Variants in SHOX observed in about 807,000 individuals in gnomAD.
SHOX encodes SHOX homeobox.
SHOX carries 12 observed loss-of-function variants against 29.6 expected under a neutral mutation model. That is an observed-to-expected ratio of 0.41 (90% CI 0.26 to 0.66). SHOX has a LOEUF of 0.66. Among genes scored for constraint, SHOX ranks in the 30% least tolerant of loss-of-function variants. The probability of loss-of-function intolerance (pLI) is 0.35; values close to 1 mark genes in which losing one functional copy is unlikely to be tolerated. For missense variants in SHOX, 499 were observed against 437.7 expected (o/e 1.14, Z -1.25); for synonymous variants, 214 against 200.6 (o/e 1.07, Z -0.57).
At position 631,049 on chromosome X, in the gene SHOX, C is replaced by A. The variant is rs1569493153; in HGVS notation, c.152C>A (p.Thr51Lys). ...CTGGCGCGCTCCCGGGAGCTGGGGA[C>A]GTCGGATTCCAGCCTCCAGGACATC... ...SGLARSRELGTSDSSLQDITE... is the reference protein window; with the variant it reads ...SGLARSRELGKSDSSLQDITE... The change falls in exon 1 of 5, where the codon ACG becomes AAG. Residue 51 changes from threonine (T) to lysine (K), a missense_variant. Physicochemically the swap from Thr to Lys is moderately conservative, Grantham distance 78. Coordinates refer to ENST00000686671, the MANE Select transcript of SHOX (RefSeq NM_000451.4). 1.2e-6 allele frequency: 2 copies of A among 1,613,802 alleles called. No homozygotes were observed. Among genetic ancestry groups the A allele is most frequent in the Non-Finnish European group, 1.7e-6 (2 of 1,179,866 alleles).
intron 4 of SHOX, among the ~76,000 whole-genome samples, chrX:641,500 C>A (rs1369546302): frequency 1.3e-5 from 2 of 152,096 alleles, no homozygotes; most frequent in African/African-American, 2.4e-5. Context: ...ACCAGCCTGA[C>A]CAACATGCTG....
rs1218314254 is a variant in SHOX at position 648,990 on chromosome X, T to C, written c.*4354T>C. Reference sequence around the variant, plus strand: ...CCTTTTTATCTTTCTCTCTTTTTCTTTCTCTTTTCCTTTTTTGTTTCTTTC... The same window carrying C: ...CCTTTTTATCTTTCTCTCTTTTTCTCTCTCTTTTCCTTTTTTGTTTCTTTC... On this transcript the variant is annotated 3_prime_UTR_variant, in exon 5 of 5. Transcript: ENST00000686671. 6.6e-6 allele frequency among the ~76,000 whole-genome samples: 1 copy of C among 150,632 alleles called. No individual in the cohort carries two copies. Among genetic ancestry groups the C allele is most frequent in the African/African-American group, 2.4e-5 (1 of 41,162 alleles).
chrX:653,423 G>C (rs140132595), downstream of SHOX, among the ~76,000 whole-genome samples: 284 of 152,264 alleles, frequency 1.9e-3, no homozygotes, highest in African/African-American at 6.6e-3. Context: ...AATGGTTTGA[G>C]AGATCTTTTC....
At chrX:630,011 C>T (rs1393591876), upstream of SHOX, among the ~76,000 whole-genome samples, 1 of 152,074 alleles carries the variant, frequency 6.6e-6, no homozygotes, top group Non-Finnish European at 1.5e-5. Flanking sequence ...CGCCGGGGTC[C>T]GCCGGGATCT....
chrX:640,995 A>G lies in SHOX; in HGVS notation c.545-4A>G. 6.2e-7 allele frequency: 1 copy of G among 1,613,764 alleles called. No homozygotes were observed. Among genetic ancestry groups the G allele is most frequent in the South Asian group, 1.1e-5 (1 of 91,068 alleles). ...ACACTGACACCTGCTCCCTTTGGAC[A>G]CAGGCGTCATCTTGGGCACAGCCAA... is the stretch of plus-strand genomic sequence containing the variant. On this transcript the variant is annotated splice_region_variant and splice_polypyrimidine_tract_variant and intron_variant, in intron 3 of 4. Transcript: ENST00000686671.
At chrX:625,227 C>T (rs59852860) in intron 1 of SHOX, among the ~76,000 whole-genome samples, 123,512 of 139,018 alleles carry the variant, frequency 0.89, 55,122 homozygotes, top group African/African-American at 0.96. Flanking sequence ...TCCTCCTTCT[C>T]CCTCCTCCTC....
Position 651,402 on chromosome X carries a change from C to G in SHOX, c.*6766C>G, listed in dbSNP as rs780402062. The G allele has an allele frequency of 4.7e-6, 2 of 429,388 alleles. No individual in the cohort carries two copies. Among genetic ancestry groups the G allele is most frequent in the South Asian group, 3.2e-5 (2 of 62,672 alleles). The allele number at this position is 429,388 out of a possible 1,614,324, so 26.6% of individuals were successfully genotyped here. A position where few individuals can be genotyped will look rare whatever the true frequency, so the allele number is the denominator to read the frequency against. ...CGGTGAGGGGTAGAAAAAAAACAAA[C>G]AAACAAACAGAAAAAAAAACCAAAA... is the stretch of plus-strand genomic sequence containing the variant. On this transcript the variant is annotated 3_prime_UTR_variant, in exon 5 of 5. Transcript: ENST00000686671.
At position 648,342 on chromosome X, in the gene SHOX, A is replaced by G. The variant is rs71204366; in HGVS notation, c.*3706A>G. Among the ~76,000 whole-genome samples the G allele has an allele frequency of 0.099, 11,551 of 116,596 alleles. 463 individuals carry two copies. Among genetic ancestry groups the G allele is most frequent in the South Asian group, 0.18 (658 of 3,582 alleles). The allele number at this position is 116,596 out of a possible 152,430, so 76.5% of individuals were successfully genotyped here. Reference sequence around the variant, plus strand: ...GTAGTTTTAGTAGAGACAGGGTTTCAGCCTCCCGAGTAGCTGGGATTACAG... The same window carrying G: ...GTAGTTTTAGTAGAGACAGGGTTTCGGCCTCCCGAGTAGCTGGGATTACAG... On this transcript the variant is annotated 3_prime_UTR_variant, in exon 5 of 5. Coordinates refer to ENST00000686671, the MANE Select transcript of SHOX (RefSeq NM_000451.4).
In SHOX at chrX:634,848, C is replaced by CG. The variant is rs767572515; in HGVS notation, c.486+28dup. The CG allele has an allele frequency of 5.9e-6, 9 of 1,535,488 alleles. No homozygotes were observed. In the East Asian group the frequency reaches 1.2e-4, roughly 21 times the overall value. On this transcript the variant is annotated intron_variant, in intron 2 of 4. Transcript: ENST00000686671. ...GCAGGTAGGAACCCGGGGGCGGGGG[C>CG]GGGGGGCCCGGAGCCATCGCCTGGT...
rs1569495959 is a variant in SHOX, at chrX:650,791, T to TAAAAA, written c.*6155_*6156insAAAAA. On this transcript the variant is annotated 3_prime_UTR_variant, in exon 5 of 5. Transcript: ENST00000686671. ...AGGCTTTCGGTGGACACGTTTGACA[T>TAAAAA]TAAAAAAAAAAAAAAAAAAAAAAAA... is the stretch of plus-strand genomic sequence containing the variant. Among the ~76,000 whole-genome samples, 6 of 29,866 alleles carry TAAAAA rather than the reference T, an allele frequency of 2.0e-4. 1 individual carries two copies. Among genetic ancestry groups the TAAAAA allele is most frequent in the African/African-American group, 7.1e-4 (6 of 8,430 alleles). The allele number at this position is 29,866 out of a possible 152,430, so 19.6% of individuals were successfully genotyped here.
intron 5 of SHOX, among the ~76,000 whole-genome samples, chrX:657,353 G>A (rs923203986): frequency 6.6e-6 from 1 of 152,172 alleles, no homozygotes; most frequent in African/African-American, 2.4e-5. Flanking sequence ...GCCTCTGCAT[G>A]GGGTCTGTCT....
At chrX:656,842 C>CA (rs777955647) in intron 5 of SHOX, among the ~76,000 whole-genome samples, 1,484 of 49,358 alleles carry the variant, frequency 0.03, 234 homozygotes, top group Non-Finnish European at 0.044. Flanking sequence ...GACTCCGTCT[C>CA]AAAAAAAAAA....
chrX:634,900 G>A lies in SHOX; in HGVS notation c.486+74G>A, dbSNP rs776820694. On this transcript the variant is annotated intron_variant, in intron 2 of 4. Transcript: ENST00000686671. ...CTCGGGAGCGCACAGCACGCGTACA[G>A]CCACCTGCGCCCGGGCCGCCGCCGT... 25 of 1,456,378 alleles carry A rather than the reference G, an allele frequency of 1.7e-5. No homozygotes were observed. In the East Asian group the frequency reaches 5.7e-4, roughly 33 times the overall value. 90.2% of individuals were successfully genotyped at this position (1,456,378 alleles called of 1,614,324 possible). A position where few individuals can be genotyped will look rare whatever the true frequency, so the allele number is the denominator to read the frequency against.
chrX:645,820 A>G lies in SHOX; in HGVS notation c.*1184A>G, dbSNP rs1185486774. The G allele has an allele frequency of 6.6e-6, 1 of 152,222 alleles. No homozygotes were observed. The highest frequency in any genetic ancestry group is 2.4e-5 in the African/African-American group (1 of 41,452). The allele number at this position is 152,222 out of a possible 1,614,324, so 9.4% of individuals were successfully genotyped here. A position where few individuals can be genotyped will look rare whatever the true frequency, so the allele number is the denominator to read the frequency against. On this transcript the variant is annotated 3_prime_UTR_variant, in exon 5 of 5. Coordinates refer to ENST00000686671, the MANE Select transcript of SHOX (RefSeq NM_000451.4). Reference sequence around the variant, plus strand: ...CAGGGAGAGATCCAGAGAGTTTTCAAGTTTTTGCAGATGTAGGTGGTTCCA... The same window carrying G: ...CAGGGAGAGATCCAGAGAGTTTTCAGGTTTTTGCAGATGTAGGTGGTTCCA...
upstream of SHOX, among the ~76,000 whole-genome samples, chrX:629,491 TTC>T (rs935869332): frequency 5.4e-5 from 7 of 128,754 alleles, no homozygotes; most frequent in Admixed American, 2.2e-4. Context: ...GTCTCTCTCT[TTC>T]TCTCTCTCTC....
chrX:633,993 C>T (rs922596403), intron 1 of SHOX, among the ~76,000 whole-genome samples: 4 of 152,196 alleles, frequency 2.6e-5, no homozygotes, highest in Non-Finnish European at 4.4e-5. Context: ...GGTAGGTGCC[C>T]GACCGCGTGT....
At chrX:656,526 G>A (rs768274829), downstream of SHOX, among the ~76,000 whole-genome samples, 11 of 152,270 alleles carry the variant, frequency 7.2e-5, no homozygotes, top group South Asian at 2.3e-3. Context: ...CAGCAACAAA[G>A]TGAGATCTTG....
chrX:629,796 C>G (rs1296921128), upstream of SHOX, among the ~76,000 whole-genome samples: 1 of 152,164 alleles, frequency 6.6e-6, no homozygotes, highest in Non-Finnish European at 1.5e-5. Context: ...GGAACCGTGA[C>G]GCGTTTGGTT....
chrX:625,710 T>C (rs1224183337), intron 1 of SHOX, among the ~76,000 whole-genome samples: 3 of 37,420 alleles, frequency 8.0e-5, no homozygotes, highest in Non-Finnish European at 1.7e-4. Context: ...TCTCTTTCTA[T>C]CTCTGTCTCT....
Sources: gnomAD v4.1 joint callset for allele counts (sites outside exome capture counted in the v4.1 genomes callset) on GRCh38, gnomAD v4.1.1 for gene constraint, MANE v1.5 for transcripts, NCBI Gene and HGNC (gene_info 2026-07-23, HGNC 2026-07-21) for gene names.